The following PCSK5 variants were observed in gnomAD, a reference collection of about 807,000 sequenced individuals.
The protein encoded by PCSK5 is prohormone convertase 5.
Under a neutral mutation model 233.2 loss-of-function variants are expected in PCSK5, and 129 were observed. That is an observed-to-expected ratio of 0.55 (90% CI 0.48 to 0.64). The LOEUF (loss-of-function observed/expected upper bound fraction) is 0.64. Ranked by LOEUF, PCSK5 falls within the 30% of genes least tolerant of loss-of-function variation. PCSK5 has a pLI of 0.00. For missense variants in PCSK5, 2,076 were observed against 2,430.1 expected (o/e 0.85, Z 3.06); for synonymous variants, 825 against 879.2 (o/e 0.94, Z 1.09).
chr9:76,097,814 A>G (rs1831599450), intron 8 of PCSK5, among the ~76,000 whole-genome samples: 2 of 152,200 alleles, frequency 1.3e-5, no homozygotes, highest in Admixed American at 1.3e-4. Flanking sequence ...GATGCCCAAC[A>G]CTGTGCTGCT....
chr9:76,288,298 C>T (rs1828151058), intron 24 of PCSK5, among the ~76,000 whole-genome samples: 1 of 152,186 alleles, frequency 6.6e-6, no homozygotes, highest in African/African-American at 2.4e-5. Context: ...CAAGGACTGG[C>T]CTGTAATACC....
At chr9:76,244,663 A>G (rs1409470872) in intron 24 of PCSK5, among the ~76,000 whole-genome samples, 1 of 151,236 alleles carries the variant, frequency 6.6e-6, no homozygotes, top group African/African-American at 2.4e-5. Context: ...CAAATTCCAG[A>G]TTAACTAGAA....
At chr9:76,189,505 TGAG>T in intron 19 of PCSK5, 123 bp from the exon 20 acceptor site, 2 of 685,808 alleles carry the variant, frequency 2.9e-6, no homozygotes, top group Non-Finnish European at 5.1e-6. Context: ...GCAATTGTTG[TGAG>T]GAAAGATTTT....
At chr9:76,255,043 T>C (rs1244995395) in intron 24 of PCSK5, among the ~76,000 whole-genome samples, 1 of 152,104 alleles carries the variant, frequency 6.6e-6, no homozygotes, top group African/African-American at 2.4e-5. Flanking sequence ...TCCCAACACC[T>C]TGGGAGACTG....
At chr9:76,343,331 ATT>A (rs779341908) in intron 35 of PCSK5, among the ~76,000 whole-genome samples, 12,534 of 85,452 alleles carry the variant, frequency 0.15, 663 homozygotes, top group Middle Eastern at 0.22. Flanking sequence ...CACCTGGGTA[ATT>A]TGTGTGTGTG....
intron 9 of PCSK5, among the ~76,000 whole-genome samples, chr9:76,121,061 G>A (rs953733385): frequency 6.6e-6 from 1 of 152,006 alleles, no homozygotes; most frequent in Non-Finnish European, 1.5e-5. Context: ...AATATTATGA[G>A]ATAGTAAGGG....
rs564628777 is a variant in PCSK5, at chr9:76,043,154, G to C, written c.632+16117G>C. Among the ~76,000 whole-genome samples, 3 of 145,698 alleles carry C rather than the reference G, an allele frequency of 2.1e-5. No homozygotes were observed. In the South Asian group the frequency reaches 6.6e-4, roughly 32 times the overall value. The stretch of plus-strand genomic sequence containing the variant: ...AGGGTCAGGAGATTGAGACCATCCT[G>C]GCTAACACGGTGAAACCCCGTCTCT... On this transcript the variant is annotated intron_variant, in intron 5 of 37. Coordinates refer to ENST00000674117, the MANE Select transcript of PCSK5 (RefSeq NM_001372043.1).
intron 8 of PCSK5, among the ~76,000 whole-genome samples, chr9:76,100,669 G>A (rs1269996219): frequency 6.6e-6 from 1 of 152,130 alleles, no homozygotes; most frequent in East Asian, 1.9e-4. Flanking sequence ...TTTCTTACCT[G>A]TTTTGAGTTC....
chr9:76,002,882 T>C (rs1194503187), intron 3 of PCSK5, among the ~76,000 whole-genome samples: 1 of 152,210 alleles, frequency 6.6e-6, no homozygotes, highest in Non-Finnish European at 1.5e-5. Flanking sequence ...CTGCACATCA[T>C]TGCAAGATAA....
intron 24 of PCSK5, among the ~76,000 whole-genome samples, chr9:76,245,782 C>T (rs1296811282): frequency 6.6e-6 from 1 of 152,052 alleles, no homozygotes; most frequent in Non-Finnish European, 1.5e-5. Flanking sequence ...GAGTGGGTGT[C>T]TTGAAGGGGG....
At chr9:76,136,483 C>T (rs909266724) in intron 10 of PCSK5, among the ~76,000 whole-genome samples, 1 of 151,994 alleles carries the variant, frequency 6.6e-6, no homozygotes, top group Non-Finnish European at 1.5e-5. Context: ...TGAGGTCAGC[C>T]GGCTTTTGCA....
At chr9:76,213,102 C>T (rs575478774) in intron 20 of PCSK5, among the ~76,000 whole-genome samples, 1 of 152,316 alleles carries the variant, frequency 6.6e-6, no homozygotes, top group South Asian at 2.1e-4. Flanking sequence ...TGACTAAGCC[C>T]CACGGGGTTT....
chr9:76,194,771 T>C (rs1235507972), intron 20 of PCSK5: 4 of 466,474 alleles, frequency 8.6e-6, no homozygotes, highest in Middle Eastern at 3.3e-4. Context: ...TAGACTGATA[T>C]CAAGTTTCTT....
At chr9:76,049,376 T>A (rs1394574710) in intron 5 of PCSK5, among the ~76,000 whole-genome samples, 1 of 152,180 alleles carries the variant, frequency 6.6e-6, no homozygotes, top group Non-Finnish European at 1.5e-5. Context: ...GTTTAGTACT[T>A]CCATAATGTT....
At chr9:75,954,637 G>A (rs1292203522) in intron 2 of PCSK5, among the ~76,000 whole-genome samples, 2 of 152,176 alleles carry the variant, frequency 1.3e-5, no homozygotes, top group East Asian at 3.9e-4. Flanking sequence ...GGAGATTGAA[G>A]TGGGAATTTG....
chr9:76,048,458 C>T (rs986904859), intron 5 of PCSK5, among the ~76,000 whole-genome samples: 1 of 152,162 alleles, frequency 6.6e-6, no homozygotes, highest in Non-Finnish European at 1.5e-5. Context: ...CTCAAATCAT[C>T]ATTAGTTTGT....
intron 2 of PCSK5, among the ~76,000 whole-genome samples, chr9:75,970,747 G>C (rs1458115616): frequency 6.6e-6 from 1 of 151,696 alleles, no homozygotes; most frequent in South Asian, 2.1e-4. Flanking sequence ...TCAGCCTCCC[G>C]AGTAGCTGGG....
chr9:76,260,271 G>A (rs1412181857), intron 24 of PCSK5, among the ~76,000 whole-genome samples: 1 of 152,158 alleles, frequency 6.6e-6, no homozygotes, highest in African/African-American at 2.4e-5. Context: ...AGAATAATAG[G>A]CCCCCAAAAG....
intron 1 of PCSK5, among the ~76,000 whole-genome samples, chr9:75,903,221 A>C (rs1826117078): frequency 6.6e-6 from 1 of 152,322 alleles, no homozygotes; most frequent in South Asian, 2.1e-4. Flanking sequence ...TAAGTTTTAA[A>C]ATGAGTCTTT....
Sources: allele counts gnomAD v4.1 joint callset (sites outside exome capture counted in the v4.1 genomes callset), GRCh38; gene constraint gnomAD v4.1.1; transcripts MANE v1.5; gene names NCBI Gene and HGNC (gene_info 2026-07-23, HGNC 2026-07-21).